SDK1: variants seen among roughly 807,000 people sequenced by gnomAD.
SDK1 encodes the protein sidekick cell adhesion molecule 1.
Under a neutral mutation model 245.5 loss-of-function variants are expected in SDK1, and 157 were observed. The ratio of observed to expected loss-of-function variants is 0.64; its 90% confidence interval spans 0.56 to 0.73. The LOEUF is 0.73. Ranked by LOEUF, SDK1 falls within the 30% of genes least tolerant of loss-of-function variation. The pLI is 0.00. For synonymous variants in SDK1, 1,647 were observed against 1,278.5 expected, an observed-to-expected ratio of 1.29 and a Z score of -6.15; for missense variants, 3,583 against 3,002.3, an observed-to-expected ratio of 1.19 and a Z score of -4.52.
intron 5 of SDK1, among the ~76,000 whole-genome samples, chr7:3,869,521 G>C (rs893361401): frequency 6.6e-6 from 1 of 152,156 alleles, no homozygotes; most frequent in African/African-American, 2.4e-5. Flanking sequence ...GGATAGCTGG[G>C]CTTCGGGGTC....
intron 2 of SDK1, among the ~76,000 whole-genome samples, chr7:3,623,080 C>T (rs73039629): frequency 0.034 from 5,181 of 152,192 alleles, 142 homozygotes; most frequent in Middle Eastern, 0.054. Context: ...TTGTTTCCCA[C>T]CTTAACAGGA....
intron 1 of SDK1, chr7:3,338,046 G>C (rs1319309925): frequency 6.0e-6 from 1 of 167,296 alleles, no homozygotes; most frequent in African/African-American, 2.4e-5. Context: ...AATATATGCC[G>C]CGGAAATATT....
intron 1 of SDK1, among the ~76,000 whole-genome samples, chr7:3,408,305 A>G (rs998450469): frequency 6.6e-6 from 1 of 152,176 alleles, no homozygotes; most frequent in East Asian, 1.9e-4. Flanking sequence ...TGGCCTCCCA[A>G]AGTGGCTGGG....
intron 9 of SDK1, among the ~76,000 whole-genome samples, chr7:3,963,997 C>T (rs909230269): frequency 3.9e-5 from 6 of 151,954 alleles, no homozygotes; most frequent in Admixed American, 6.5e-5. Flanking sequence ...CACGGCTACC[C>T]GGATGTATCC....
chr7:3,869,066 C>T (rs961162877), intron 5 of SDK1, among the ~76,000 whole-genome samples: 2 of 151,168 alleles, frequency 1.3e-5, no homozygotes, highest in Non-Finnish European at 1.5e-5. Context: ...TACTGGGCTG[C>T]AAAGCGTTGT....
At chr7:3,614,681 A>G (rs1158650621) in intron 1 of SDK1, among the ~76,000 whole-genome samples, 1 of 152,286 alleles carries the variant, frequency 6.6e-6, no homozygotes, top group Middle Eastern at 3.4e-3. Context: ...TATGTATTTC[A>G]ATGGTAAATA....
intron 4 of SDK1, among the ~76,000 whole-genome samples, chr7:3,810,375 G>C (rs1002826431): frequency 6.6e-6 from 1 of 151,772 alleles, no homozygotes; most frequent in Non-Finnish European, 1.5e-5. Context: ...AGCAGAAAAA[G>C]TCTTGGCTGG....
At chr7:3,938,600 C>T (rs906922308) in intron 5 of SDK1, among the ~76,000 whole-genome samples, 12 of 148,724 alleles carry the variant, frequency 8.1e-5, no homozygotes, top group Non-Finnish European at 1.6e-4. Context: ...GAGCCAAGAT[C>T]GCGACACTGC....
At chr7:3,871,454 G>T (rs74946873) in intron 5 of SDK1, among the ~76,000 whole-genome samples, 7,808 of 152,238 alleles carry the variant, frequency 0.051, 636 homozygotes, top group African/African-American at 0.17. Context: ...ATGTGTCTTA[G>T]TCCATTTGTG....
At chr7:3,655,489 ATATATATATATATATGTATG>A (rs1232213832) in intron 4 of SDK1, among the ~76,000 whole-genome samples, 8 of 59,570 alleles carry the variant, frequency 1.3e-4, no homozygotes, top group Non-Finnish European at 2.9e-4. Flanking sequence ...ATATATATAT[ATATATATATATATATGTATG>A]TATGTATATA....
chr7:3,541,708 CAT>C (rs1779057460), intron 1 of SDK1, among the ~76,000 whole-genome samples: 1 of 152,148 alleles, frequency 6.6e-6, no homozygotes, highest in South Asian at 2.1e-4. Flanking sequence ...ATGTATCTGA[CAT>C]AGGGGAGCTT....
chr7:4,061,119 A>T (rs997348047), intron 19 of SDK1, among the ~76,000 whole-genome samples: 4 of 152,180 alleles, frequency 2.6e-5, no homozygotes, highest in African/African-American at 9.7e-5. Context: ...TGACTTGGCA[A>T]TGTGGGCTCT....
intron 4 of SDK1, among the ~76,000 whole-genome samples, chr7:3,801,064 A>T (rs1482293171): frequency 6.6e-6 from 1 of 152,224 alleles, no homozygotes; most frequent in East Asian, 1.9e-4. Context: ...TTTTCCTAGT[A>T]TATTCCAAAG....
intron 5 of SDK1, among the ~76,000 whole-genome samples, chr7:3,866,430 G>A (rs957960525): frequency 6.6e-6 from 1 of 152,172 alleles, no homozygotes; most frequent in Non-Finnish European, 1.5e-5. Flanking sequence ...ATGAAAGGGG[G>A]CCAAGTGATT....
At chr7:4,224,142 G>A (rs1785285689) in intron 40 of SDK1, among the ~76,000 whole-genome samples, 1 of 152,184 alleles carries the variant, frequency 6.6e-6, no homozygotes, top group African/African-American at 2.4e-5. Context: ...GTGCCTCCAG[G>A]TGATCGTAGG....
intron 1 of SDK1, among the ~76,000 whole-genome samples, chr7:3,315,895 G>GA (rs35378288): frequency 6.6e-6 from 1 of 151,886 alleles, no homozygotes; most frequent in Non-Finnish European, 1.5e-5. Flanking sequence ...TCATCTGTTG[G>GA]AAAAAAGCAT....
At chr7:3,625,432 T>C (rs1351913587) in intron 2 of SDK1, among the ~76,000 whole-genome samples, 1 of 152,224 alleles carries the variant, frequency 6.6e-6, no homozygotes, top group East Asian at 1.9e-4. Flanking sequence ...GATCTCCTGA[T>C]GACAGTGGTG....
chr7:3,681,216 T>C (rs933725362), intron 4 of SDK1, among the ~76,000 whole-genome samples: 42 of 152,286 alleles, frequency 2.8e-4, no homozygotes, highest in South Asian at 1.0e-3. Context: ...TTTGACTTTA[T>C]GTAAATGAAA....
intron 5 of SDK1, among the ~76,000 whole-genome samples, chr7:3,861,778 T>A (rs1006391488): frequency 1.2e-4 from 18 of 152,176 alleles, no homozygotes; most frequent in African/African-American, 4.1e-4. Context: ...GGACTAATTT[T>A]ACCCTCTCCC....
Sources: gnomAD v4.1 joint callset for allele counts (sites outside exome capture counted in the v4.1 genomes callset) on GRCh38, gnomAD v4.1.1 for gene constraint, MANE v1.5 for transcripts, NCBI Gene and HGNC (gene_info 2026-07-23, HGNC 2026-07-21) for gene names.